Variants in TTC39C observed in about 807,000 individuals in gnomAD.
TTC39C encodes tetratricopeptide repeat domain 39C, also known as tetratricopeptide repeat protein 39C.
TTC39C carries 33 observed loss-of-function variants against 76.3 expected under a neutral mutation model. The ratio of observed to expected loss-of-function variants is 0.43; its 90% CI spans 0.33 to 0.58. TTC39C has a LOEUF of 0.58. Among genes scored for constraint, TTC39C ranks in the 20% least tolerant of loss-of-function variants. The pLI is 0.04. For synonymous variants in TTC39C, 254 were observed against 260.6 expected, an observed-to-expected ratio of 0.97 and a Z score of 0.24; for missense variants, 595 against 701.4, an observed-to-expected ratio of 0.85 and a Z score of 1.71.
At chr18:23,996,767 A>G (rs1041754212) in intron 1 of TTC39C, among the ~76,000 whole-genome samples, 7 of 152,208 alleles carry the variant, frequency 4.6e-5, no homozygotes, top group African/African-American at 1.7e-4. Context: ...CTCAAGGAAG[A>G]CTGGGGACCC....
intron 1 of TTC39C, among the ~76,000 whole-genome samples, chr18:24,031,924 G>A (rs758297734): frequency 3.3e-5 from 5 of 152,154 alleles, no homozygotes; most frequent in East Asian, 1.9e-4. Flanking sequence ...GGATTATCTC[G>A]ATGGGCCCTA....
chr18:24,101,491 G>A (rs750548161), intron 6 of TTC39C, among the ~76,000 whole-genome samples: 54 of 151,908 alleles, frequency 3.6e-4, no homozygotes, highest in Admixed American at 3.9e-4. Context: ...CCCAGGAGGT[G>A]GAGGTCGCAG....
intron 6 of TTC39C, chr18:24,113,530 G>A: frequency 1.4e-6 from 1 of 699,890 alleles, no homozygotes; most frequent in East Asian, 2.7e-5. Context: ...TGGAAGCCCA[G>A]GGGAGGGAAG....
At chr18:23,995,613 T>G (rs2083254971) in intron 1 of TTC39C, among the ~76,000 whole-genome samples, 1 of 152,198 alleles carries the variant, frequency 6.6e-6, no homozygotes, top group Non-Finnish European at 1.5e-5. Context: ...GTACTACACC[T>G]TGGGGCTATT....
chr18:24,019,790 C>T, intron 1 of TTC39C: 1 of 1,266,876 alleles, frequency 7.9e-7, no homozygotes, highest in African/African-American at 1.5e-5. Flanking sequence ...ACTACACCTG[C>T]AGAAATGAGT....
exon 1 of TTC39C, chr18:23,992,932 T>C (rs2083231301): frequency 6.6e-6 from 1 of 152,224 alleles, no homozygotes; most frequent in South Asian, 2.1e-4. Context: ...CTCCAGCACC[T>C]ACACACACAG....
intron 8 of TTC39C, among the ~76,000 whole-genome samples, chr18:24,121,952 C>T (rs2084973317): frequency 6.6e-6 from 1 of 152,190 alleles, no homozygotes; most frequent in Non-Finnish European, 1.5e-5. Flanking sequence ...GTGCACACTC[C>T]TCCATCTGGA....
chr18:24,090,342 C>A (rs769384838), intron 6 of TTC39C, among the ~76,000 whole-genome samples: 49 of 152,148 alleles, frequency 3.2e-4, no homozygotes, highest in Non-Finnish European at 6.8e-4. Flanking sequence ...AATAGGGGGC[C>A]AGAATATAAT....
intron 1 of TTC39C, among the ~76,000 whole-genome samples, chr18:23,999,468 C>T (rs1231806779): frequency 6.6e-6 from 1 of 152,188 alleles, no homozygotes; most frequent in African/African-American, 2.4e-5. Flanking sequence ...CTGGTCAAAG[C>T]GGGTCCTCTG....
In TTC39C at chr18:24,056,474, C is replaced by T. The variant is rs964246198; in HGVS notation, c.168-7666C>T. Among the ~76,000 whole-genome samples the T allele has an allele frequency of 5.9e-5, 9 of 152,072 alleles. 1 individual carries two copies. In the South Asian group the frequency reaches 1.9e-3, roughly 32 times the overall value. ...GGCAGTAAAATTGCATTTAAAGAAACATACTCAGTGAGGGACTGTTTTACA... is the reference window on the plus strand; with the variant it reads ...GGCAGTAAAATTGCATTTAAAGAAATATACTCAGTGAGGGACTGTTTTACA... On this transcript the variant is annotated intron_variant, in intron 1 of 13. Coordinates refer to ENST00000317571, the MANE Select transcript of TTC39C (RefSeq NM_001135993.2).
At chr18:23,999,063 T>C (rs1224902764) in intron 1 of TTC39C, among the ~76,000 whole-genome samples, 1 of 152,218 alleles carries the variant, frequency 6.6e-6, no homozygotes, top group African/African-American at 2.4e-5. Flanking sequence ...TTTCGTAACA[T>C]ACCCAGCTTC....
At chr18:24,130,260 C>A in intron 11 of TTC39C, 53 bp from the exon 12 acceptor site, 1 of 990,068 alleles carries the variant, frequency 1.0e-6, no homozygotes, top group Non-Finnish European at 1.5e-6. Context: ...TATAATAAGC[C>A]TTATGCTAAG....
intron 1 of TTC39C, among the ~76,000 whole-genome samples, chr18:24,061,318 A>G (rs2084097324): frequency 6.7e-6 from 1 of 150,336 alleles, no homozygotes; most frequent in African/African-American, 2.5e-5. Context: ...AAAGGTTTGT[A>G]TTTGGGTTCT....
chr18:24,114,530 A>G, intron 6 of TTC39C, 24 bp from the exon 7 acceptor site: 1 of 1,556,882 alleles, frequency 6.4e-7, no homozygotes, highest in South Asian at 1.1e-5. Flanking sequence ...TTAGCTGGTA[A>G]TTCTGTTTTC....
intron 7 of TTC39C, 144 bp downstream of exon 7, chr18:24,114,791 C>A: frequency 1.7e-6 from 1 of 584,286 alleles, no homozygotes; most frequent in Non-Finnish European, 3.0e-6. Flanking sequence ...GTAGCACATG[C>A]AATGATACTT....
At chr18:24,040,939 T>TA (rs1470619850) in intron 1 of TTC39C, among the ~76,000 whole-genome samples, 1 of 152,058 alleles carries the variant, frequency 6.6e-6, no homozygotes, top group Non-Finnish European at 1.5e-5. Flanking sequence ...AAAGAGAAAA[T>TA]ATAGATTGTA....
chr18:24,064,764 G>GA (rs978769744), intron 2 of TTC39C, among the ~76,000 whole-genome samples: 8 of 150,300 alleles, frequency 5.3e-5, no homozygotes, highest in Admixed American at 1.3e-4. Context: ...GTAACAGCAA[G>GA]AAAAAAAAAG....
chr18:24,073,398 C>A (rs1307644286), intron 4 of TTC39C, among the ~76,000 whole-genome samples: 1 of 152,314 alleles, frequency 6.6e-6, no homozygotes, highest in Non-Finnish European at 1.5e-5. Context: ...CCCGCTGCTG[C>A]CTCGAGCTTT....
chr18:24,014,846 G>A lies in TTC39C; in HGVS notation c.-26G>A. ...CAGCAGCTGCTCCCGATCTCGCCTC[G>A]GCCCAGCGCAGGGCCTCGCACGCCC... On this transcript the variant is annotated 5_prime_UTR_variant, in exon 1 of 14. Coordinates refer to ENST00000317571, the MANE Select transcript of TTC39C (RefSeq NM_001135993.2). 1 of 1,245,968 alleles carries A rather than the reference G, an allele frequency of 8.0e-7. No individual in the cohort carries two copies. The highest frequency in any genetic ancestry group is 1.0e-6 in the Non-Finnish European group (1 of 991,102). 77.2% of individuals were successfully genotyped at this position (1,245,968 alleles called of 1,614,324 possible).
Sources: gnomAD v4.1 joint callset for allele counts (sites outside exome capture counted in the v4.1 genomes callset) on GRCh38, gnomAD v4.1.1 for gene constraint, MANE v1.5 for transcripts, NCBI Gene and HGNC (gene_info 2026-07-23, HGNC 2026-07-21) for gene names.